Variants in TBCK observed in about 807,000 individuals in gnomAD.
The protein encoded by TBCK is TBC1 domain containing kinase.
In TBCK, 99 loss-of-function variants were observed where a neutral mutation model predicts 113.4. The observed-to-expected ratio is 0.87, with a 90% CI of 0.74 to 1.03. TBCK has a LOEUF of 1.03. Ranked by LOEUF, TBCK falls within the 50% of genes least tolerant of loss-of-function variation. The pLI, the probability that TBCK is intolerant of heterozygous loss-of-function variation, is 0.00. For synonymous variants in TBCK, 369 were observed against 370.8 expected (o/e 1.00, Z 0.05); for missense variants, 1,045 against 1,061.3 (o/e 0.98, Z 0.21).
intron 12 of TBCK, among the ~76,000 whole-genome samples, chr4:106,237,009 C>T (rs535547070): frequency 6.6e-6 from 1 of 151,998 alleles, no homozygotes; most frequent in African/African-American, 2.4e-5. Context: ...CTGTGAAAAA[C>T]AACTATTTTT....
At chr4:106,212,491 G>A (rs1321995013) in intron 20 of TBCK, among the ~76,000 whole-genome samples, 2 of 152,028 alleles carry the variant, frequency 1.3e-5, no homozygotes, top group Admixed American at 1.3e-4. Context: ...AGCCTACACA[G>A]CACAGTTTAA....
chr4:106,244,582 T>C (rs769988001), intron 11 of TBCK, 44 bp downstream of exon 11: 19 of 1,424,922 alleles, frequency 1.3e-5, no homozygotes, highest in Non-Finnish European at 1.6e-5. Context: ...ATTATTACCA[T>C]GTATTTATTT....
At chr4:106,103,075 C>T (rs1560647380) in intron 24 of TBCK, among the ~76,000 whole-genome samples, 1 of 152,140 alleles carries the variant, frequency 6.6e-6, no homozygotes, top group East Asian at 1.9e-4. Flanking sequence ...ATATTAGTAG[C>T]TTTAGGGAAA....
chr4:106,175,044 T>C (rs1751487737), intron 22 of TBCK, among the ~76,000 whole-genome samples: 1 of 151,744 alleles, frequency 6.6e-6, no homozygotes, highest in Non-Finnish European at 1.5e-5. Flanking sequence ...CGAGAATTGC[T>C]TGAACCTGGG....
intron 2 of TBCK, among the ~76,000 whole-genome samples, chr4:106,305,401 A>G (rs1406510749): frequency 2.0e-5 from 3 of 152,168 alleles, no homozygotes; most frequent in African/African-American, 7.2e-5. Context: ...CAGCATCATC[A>G]AAATGAATGA....
At chr4:106,077,232 C>A (rs1738303708) in intron 25 of TBCK, among the ~76,000 whole-genome samples, 1 of 152,178 alleles carries the variant, frequency 6.6e-6, no homozygotes. Context: ...TAAGAACATA[C>A]CCCATTGACA....
At chr4:106,257,521 TG>T (rs1414325985) in intron 5 of TBCK, among the ~76,000 whole-genome samples, 1 of 152,122 alleles carries the variant, frequency 6.6e-6, no homozygotes, top group Non-Finnish European at 1.5e-5. Context: ...TAAATTCAAA[TG>T]GGTAAATTTG....
intron 25 of TBCK, among the ~76,000 whole-genome samples, chr4:106,087,897 T>C (rs1235105995): frequency 1.3e-5 from 2 of 152,230 alleles, no homozygotes; most frequent in Non-Finnish European, 2.9e-5. Context: ...GCTAGCCATA[T>C]GCAGGAAACT....
chr4:106,294,239 G>A (rs1358225359), intron 3 of TBCK, among the ~76,000 whole-genome samples: 2 of 151,320 alleles, frequency 1.3e-5, no homozygotes, highest in Non-Finnish European at 2.9e-5. Flanking sequence ...TGCCCAGGCT[G>A]GAGTGCAGTG....
intron 25 of TBCK, among the ~76,000 whole-genome samples, chr4:106,069,105 T>G (rs1391569802): frequency 6.6e-6 from 1 of 152,238 alleles, no homozygotes; most frequent in East Asian, 1.9e-4. Context: ...GCCTGTTCAC[T>G]CTGATGGTAG....
intron 25 of TBCK, among the ~76,000 whole-genome samples, chr4:106,080,782 A>C (rs1200172150): frequency 6.6e-6 from 1 of 152,214 alleles, no homozygotes; most frequent in East Asian, 1.9e-4. Context: ...CATCTGACAA[A>C]GGTCTAATAT....
chr4:106,090,772 C>T (rs1317397062), intron 25 of TBCK, among the ~76,000 whole-genome samples: 1 of 152,080 alleles, frequency 6.6e-6, no homozygotes, highest in Non-Finnish European at 1.5e-5. Flanking sequence ...AGTTCTTTGC[C>T]AGGGTGTAAC....
chr4:106,190,810 G>A (rs1275130150), intron 22 of TBCK, among the ~76,000 whole-genome samples: 5 of 151,740 alleles, frequency 3.3e-5, no homozygotes, highest in African/African-American at 4.8e-5. Context: ...GCGCCATGTC[G>A]GCTCACTGCA....
intron 23 of TBCK, among the ~76,000 whole-genome samples, chr4:106,144,012 C>T (rs942726554): frequency 1.4e-4 from 22 of 151,914 alleles, no homozygotes; most frequent in Admixed American, 1.0e-3. Context: ...AACCATGCAT[C>T]GCTAATTAAC....
chr4:106,194,775 A>G, intron 20 of TBCK, 21 bp from the exon 21 acceptor site: 1 of 1,560,852 alleles, frequency 6.4e-7, no homozygotes, highest in Non-Finnish European at 8.6e-7. Flanking sequence ...AAAAAGGGGT[A>G]CAGGGAATGG....
At chr4:106,059,187 T>C (rs1301773337) in intron 25 of TBCK, among the ~76,000 whole-genome samples, 1 of 124,754 alleles carries the variant, frequency 8.0e-6, no homozygotes, top group African/African-American at 2.9e-5. Flanking sequence ...CTTAGTTTTG[T>C]TACCTGTTAA....
Position 106,248,243 on chromosome 4 carries a change from A to C in TBCK, c.782+2T>G. The C allele has an allele frequency of 6.3e-7, 1 of 1,582,498 alleles. No homozygotes were observed. Among genetic ancestry groups the C allele is most frequent in the Non-Finnish European group, 8.6e-7 (1 of 1,165,034 alleles). On this transcript the variant is annotated splice_donor_variant, in intron 9 of 25. Coordinates refer to ENST00000394708, the MANE Select transcript of TBCK (RefSeq NM_001163435.3). LOFTEE classifies it high-confidence loss of function. Reference sequence around the variant, plus strand: ...TAATCCCAATCTCTAAATAATATCAACCTCTTAGAAGGATGGAAGGTAAGG... The same window carrying C: ...TAATCCCAATCTCTAAATAATATCACCCTCTTAGAAGGATGGAAGGTAAGG...
Position 106,044,698 on chromosome 4 carries a change from A to G in TBCK, c.*1872T>C, listed in dbSNP as rs1431767175. The G allele has an allele frequency of 1.3e-5, 2 of 152,388 alleles. No homozygotes were observed. The highest frequency in any genetic ancestry group is 2.9e-5 in the Non-Finnish European group (2 of 68,052). 9.4% of individuals were successfully genotyped at this position (152,388 alleles called of 1,614,324 possible). On this transcript the variant is annotated 3_prime_UTR_variant, in exon 26 of 26. Coordinates refer to ENST00000394708, the MANE Select transcript of TBCK (RefSeq NM_001163435.3). ...CAGGTAGACAATTGCATACAATGAA[A>G]GTATTCTGGATAATACTGATTGCAC...
chr4:106,196,815 G>A (rs1014899452), intron 20 of TBCK, among the ~76,000 whole-genome samples: 4 of 151,960 alleles, frequency 2.6e-5, no homozygotes, highest in South Asian at 4.1e-4. Context: ...TTAAAGACAC[G>A]ACATCAATAT....
Sources: allele counts gnomAD v4.1 joint callset (sites outside exome capture counted in the v4.1 genomes callset), GRCh38; gene constraint gnomAD v4.1.1; transcripts MANE v1.5; gene names NCBI Gene and HGNC (gene_info 2026-07-23, HGNC 2026-07-21).